The following TENM1 variants were observed in gnomAD, a reference collection of about 807,000 sequenced individuals.
The protein encoded by TENM1 is teneurin-1.
TENM1 carries 35 observed loss-of-function variants against 174.8 expected under a neutral mutation model. The observed-to-expected ratio is 0.20, with a 90% confidence interval of 0.15 to 0.27. The LOEUF is 0.27. Among genes scored for constraint, TENM1 ranks in the 10% least tolerant of loss-of-function variants. The probability of loss-of-function intolerance (pLI) is 1.00; values close to 1 mark genes in which losing one functional copy is unlikely to be tolerated. For missense variants in TENM1, 1,633 were observed against 2,130.1 expected (o/e 0.77, Z 4.59); for synonymous variants, 781 against 798.7 (o/e 0.98, Z 0.37).
intron 3 of TENM1, among the ~76,000 whole-genome samples, chrX:124,748,771 C>G (rs2053995631): frequency 8.9e-6 from 1 of 112,126 alleles, no homozygotes; most frequent in Non-Finnish European, 1.9e-5. Flanking sequence ...TAAATCACAG[C>G]TCTGTCATTT....
At chrX:124,839,404 T>A (rs1346952896) in intron 3 of TENM1, among the ~76,000 whole-genome samples, 2 of 111,871 alleles carry the variant, frequency 1.8e-5, no homozygotes, top group Non-Finnish European at 3.8e-5. Flanking sequence ...AAGAGTGCTA[T>A]GAAGCAAATG....
chrX:124,525,568 C>G (rs769557661), intron 16 of TENM1, among the ~76,000 whole-genome samples: 100 of 111,883 alleles, frequency 8.9e-4, no homozygotes, highest in Non-Finnish European at 1.6e-3. Flanking sequence ...AATAAACTAT[C>G]CAGATAAAAA....
At chrX:124,409,950 T>C (rs2060513855) in intron 25 of TENM1, among the ~76,000 whole-genome samples, 1 of 109,598 alleles carries the variant, frequency 9.1e-6, no homozygotes, top group East Asian at 2.8e-4. Context: ...CTGCCCAAGG[T>C]AATTTATAGA....
intron 1 of TENM1, among the ~76,000 whole-genome samples, chrX:124,938,086 T>G (rs1281876073): frequency 1.8e-5 from 2 of 111,890 alleles, no homozygotes; most frequent in South Asian, 7.4e-4. Flanking sequence ...ATTCCTGATG[T>G]AAACCCCAAC....
chrX:125,028,866 G>GTC, the TENM1 span, among the ~76,000 whole-genome samples: 1 of 111,462 alleles, frequency 9.0e-6, no homozygotes, highest in Non-Finnish European at 1.9e-5. Flanking sequence ...AGCTTTGTCT[G>GTC]TAACGTTTTA....
chrX:124,866,892 C>A (rs1196728761), intron 3 of TENM1, among the ~76,000 whole-genome samples: 1 of 110,782 alleles, frequency 9.0e-6, no homozygotes, highest in Non-Finnish European at 1.9e-5. Context: ...TCAAAAAAAT[C>A]TAGAAGAAAT....
intron 4 of TENM1, among the ~76,000 whole-genome samples, chrX:124,710,839 T>A (rs777279879): frequency 4.7e-4 from 53 of 112,128 alleles, no homozygotes; most frequent in African/African-American, 1.7e-3. Flanking sequence ...AAATGACGTG[T>A]TTTGTCATAG....
chrX:124,881,742 T>C (rs1233001286), intron 3 of TENM1, among the ~76,000 whole-genome samples: 1 of 109,911 alleles, frequency 9.1e-6, no homozygotes, highest in Non-Finnish European at 1.9e-5. Flanking sequence ...TTTGTTTTTT[T>C]TTTTTAGACA....
At chrX:124,752,095 T>G (rs1335996856) in intron 3 of TENM1, among the ~76,000 whole-genome samples, 1 of 111,128 alleles carries the variant, frequency 9.0e-6, no homozygotes, top group Non-Finnish European at 1.9e-5. Flanking sequence ...TGAACTAGTT[T>G]ACAGTCCCAC....
chrX:125,189,083 C>G, the TENM1 span, among the ~76,000 whole-genome samples: 1 of 112,076 alleles, frequency 8.9e-6, no homozygotes, highest in Admixed American at 9.5e-5. Flanking sequence ...AGCATTTTGC[C>G]TTGGTGAGAT....
At chrX:125,073,272 T>C in the TENM1 span, among the ~76,000 whole-genome samples, 2 of 111,123 alleles carry the variant, frequency 1.8e-5, no homozygotes, top group African/African-American at 6.5e-5. Context: ...CTGTGGTCTT[T>C]GGGGACGCGG....
chrX:124,874,316 A>C (rs1356595272), intron 3 of TENM1, among the ~76,000 whole-genome samples: 1 of 111,448 alleles, frequency 9.0e-6, no homozygotes, highest in Non-Finnish European at 1.9e-5. Context: ...ATAAATGATA[A>C]AATTTAGTTC....
rs148954423 is a variant in TENM1 at position 124,865,634 on chromosome X, A to G, written c.535+28662T>C. 9.7e-3 allele frequency among the ~76,000 whole-genome samples: 1,086 copies of G among 111,634 alleles called. 13 individuals are homozygous for G. Among genetic ancestry groups the G allele is most frequent in the African/African-American group, 0.033 (1,021 of 30,797 alleles). On this transcript the variant is annotated intron_variant, in intron 3 of 31. Transcript: ENST00000422452. ...AGACCACTTAACAACTAAAAGACAA[A>G]TAACAAAATGGCAGGAGTAAGTCCT... is the stretch of plus-strand genomic sequence containing the variant.
intron 15 of TENM1, among the ~76,000 whole-genome samples, chrX:124,538,635 C>T (rs2048254974): frequency 9.0e-6 from 1 of 111,382 alleles, no homozygotes; most frequent in South Asian, 3.8e-4. Context: ...CTGCCATTAG[C>T]AAGTAGACTT....
intron 5 of TENM1, among the ~76,000 whole-genome samples, chrX:124,693,254 G>A (rs1013976735): frequency 1.8e-5 from 2 of 110,671 alleles, no homozygotes; most frequent in Non-Finnish European, 3.8e-5. Flanking sequence ...TAATTCCAAG[G>A]TATTAAAGGT....
At chrX:124,912,656 G>A (rs890305034) in intron 1 of TENM1, among the ~76,000 whole-genome samples, 4 of 111,349 alleles carry the variant, frequency 3.6e-5, no homozygotes, top group Admixed American at 9.6e-5. Context: ...ACTTCATGAC[G>A]TATAATCAAT....
At chrX:124,829,623 A>G (rs746451978) in intron 3 of TENM1, among the ~76,000 whole-genome samples, 2 of 112,111 alleles carry the variant, frequency 1.8e-5, no homozygotes, top group South Asian at 7.5e-4. Context: ...CATATTCCTC[A>G]TCTCAGGGGC....
chrX:124,456,838 T>A (rs2061112980), intron 22 of TENM1, among the ~76,000 whole-genome samples: 1 of 111,933 alleles, frequency 8.9e-6, no homozygotes, highest in African/African-American at 3.3e-5. Flanking sequence ...TGGTAACCAA[T>A]GTTGTGGGCA....
chrX:125,100,428 G>A, the TENM1 span, among the ~76,000 whole-genome samples: 2 of 111,660 alleles, frequency 1.8e-5, no homozygotes, highest in Non-Finnish European at 3.8e-5. Flanking sequence ...CTCAGCTTCT[G>A]GCTTAAAGCC....
Sources: gnomAD v4.1 joint callset for allele counts (sites outside exome capture counted in the v4.1 genomes callset) on GRCh38, gnomAD v4.1.1 for gene constraint, MANE v1.5 for transcripts, NCBI Gene and HGNC (gene_info 2026-07-23, HGNC 2026-07-21) for gene names.